The following UBE3A variants were observed in gnomAD, a reference collection of about 807,000 sequenced individuals.
The protein encoded by UBE3A is ubiquitin-protein ligase E3A.
In UBE3A, 6 loss-of-function variants were observed where a neutral mutation model predicts 83.4. The observed-to-expected ratio is 0.07, with a 90% CI of 0.04 to 0.14. The LOEUF is 0.14. Among genes scored for constraint, UBE3A ranks in the 10% least tolerant of loss-of-function variants. The probability of loss-of-function intolerance (pLI) is 1.00; values close to 1 mark genes in which losing one functional copy is unlikely to be tolerated. For missense variants in UBE3A, 456 were observed against 1,036.1 expected (o/e 0.44, Z 7.69); for synonymous variants, 337 against 355.4 (o/e 0.95, Z 0.58).
chr15:25,383,960 G>GA (rs958771198), intron 4 of UBE3A, among the ~76,000 whole-genome samples: 33 of 150,520 alleles, frequency 2.2e-4, no homozygotes, highest in East Asian at 3.9e-4. Context: ...CTACCAAAAA[G>GA]AAAAAAAACC....
rs117830460 is a variant in UBE3A, at chr15:25,399,754, T to A, written c.62+5707A>T. Among the ~76,000 whole-genome samples the A allele has an allele frequency of 7.3e-3, 1,103 of 151,566 alleles. 12 individuals are homozygous for A. Among genetic ancestry groups the A allele is most frequent in the African/African-American group, 0.025 (1,044 of 41,250 alleles). On this transcript the variant is annotated intron_variant, in intron 4 of 12. Transcript: ENST00000648336. ...TGGCTTTAAAAATTTTTTTTTTTTT[T>A]AATTTTAGAGACAGGGTCTCACTAT...
chr15:25,408,203 A>C (rs2089139873), intron 3 of UBE3A: 1 of 192,970 alleles, frequency 5.2e-6, no homozygotes, highest in African/African-American at 2.4e-5. Context: ...TGGGCGATGG[A>C]GTGAGACCTT....
rs528255519 is a variant in UBE3A at position 25,405,044 on chromosome 15, C to T, written c.62+417G>A. 1.1e-4 allele frequency among the ~76,000 whole-genome samples: 16 copies of T among 152,280 alleles called. 1 individual carries two copies. Among genetic ancestry groups the T allele is most frequent in the South Asian group, 8.3e-4 (4 of 4,826 alleles). ...CTACCTCAGTGACTGAAATTATTTG[C>T]TTCTGCATCTTTCACTCTTGAGTAT... On this transcript the variant is annotated intron_variant, in intron 4 of 12. Coordinates refer to ENST00000648336, the MANE Select transcript of UBE3A (RefSeq NM_130839.5).
chr15:25,349,721 A>G (rs1475917533), intron 11 of UBE3A, among the ~76,000 whole-genome samples: 1 of 152,228 alleles, frequency 6.6e-6, no homozygotes, highest in East Asian at 1.9e-4. Context: ...AGCACTTTCC[A>G]GCTTCTCTTT....
Position 25,371,762 on chromosome 15 carries a change from T to C in UBE3A, c.412A>G (p.Arg138Gly), listed in dbSNP as rs587783100. 1.1e-5 allele frequency: 18 copies of C among 1,613,276 alleles called. No homozygotes were observed. Among genetic ancestry groups the C allele is most frequent in the Non-Finnish European group, 1.4e-5 (16 of 1,179,966 alleles). Residue 138 changes from arginine to glycine, a missense_variant, in exon 6 of 13, where the codon AGA becomes GGA. Arg to Gly is a moderately radical substitution (Grantham distance 125). Coordinates refer to ENST00000648336, the MANE Select transcript of UBE3A (RefSeq NM_130839.5). The surrounding 1 kb of genome is among the most constrained non-coding windows in gnomAD (Gnocchi z 5.3). ...AAAGGGGAATAATCCTCTCTTTCTC[T>C]ACATAATTCAAGAATTTCATATACC... ...EKVYEILELCREREDYSPLIR... is the reference protein window; with the variant it reads ...EKVYEILELCGEREDYSPLIR...
intron 11 of UBE3A, among the ~76,000 whole-genome samples, chr15:25,341,119 G>A (rs1028228801): frequency 6.6e-6 from 1 of 151,784 alleles, no homozygotes; most frequent in Non-Finnish European, 1.5e-5. Flanking sequence ...GCTCAGGCTG[G>A]AGTGCAGTGG....
At chr15:25,424,530 G>A (rs1890759331) in intron 1 of UBE3A, among the ~76,000 whole-genome samples, 1 of 152,092 alleles carries the variant, frequency 6.6e-6, no homozygotes, top group Admixed American at 6.5e-5. Flanking sequence ...GACTGAGTGG[G>A]TTTTATACAC....
At chr15:25,355,649 T>G (rs796591967) in intron 9 of UBE3A, among the ~76,000 whole-genome samples, 61 of 152,144 alleles carry the variant, frequency 4.0e-4, no homozygotes, top group African/African-American at 1.3e-3. Context: ...CAACCACACT[T>G]AGCTATTAAC....
chr15:25,416,153 T>A (rs547101261), intron 1 of UBE3A, among the ~76,000 whole-genome samples: 1 of 152,286 alleles, frequency 6.6e-6, no homozygotes, highest in African/African-American at 2.4e-5. Flanking sequence ...CTTAAAAATT[T>A]CACTCTTAAG....
chr15:25,354,470 T>G, intron 10 of UBE3A, 44 bp from the exon 11 acceptor site: 1 of 1,612,828 alleles, frequency 6.2e-7, no homozygotes, highest in Non-Finnish European at 8.5e-7. Context: ...GCTATACTAC[T>G]GTATCATTAC....
chr15:25,390,033 C>G (rs766785845), intron 4 of UBE3A, among the ~76,000 whole-genome samples: 1 of 152,146 alleles, frequency 6.6e-6, no homozygotes, highest in Non-Finnish European at 1.5e-5. Flanking sequence ...GGCAATTCAG[C>G]ATATGAAAAG....
intron 4 of UBE3A, among the ~76,000 whole-genome samples, chr15:25,402,604 T>G (rs553621804): frequency 6.6e-6 from 1 of 152,102 alleles, no homozygotes; most frequent in East Asian, 1.9e-4. Flanking sequence ...TTTGGGGCCA[T>G]GGGGGCCTGC....
chr15:25,425,603 AT>A (rs372364889), intron 1 of UBE3A, among the ~76,000 whole-genome samples: 2 of 151,996 alleles, frequency 1.3e-5, no homozygotes, highest in African/African-American at 4.8e-5. Context: ...CCTTCCAGGC[AT>A]TTTTTTCCCT....
intron 6 of UBE3A, among the ~76,000 whole-genome samples, chr15:25,369,364 A>C (rs1161010608): frequency 6.7e-6 from 1 of 148,266 alleles, no homozygotes; most frequent in African/African-American, 2.5e-5. Flanking sequence ...AAAAAAAAAC[A>C]AACCAGTAAC....
chr15:25,378,503 C>T (rs1353331879), intron 4 of UBE3A, among the ~76,000 whole-genome samples: 1 of 152,160 alleles, frequency 6.6e-6, no homozygotes, highest in Admixed American at 6.5e-5. Context: ...CTGCGGGGCA[C>T]TTTGACATGG....
chr15:25,380,977 G>A (rs574113038), intron 4 of UBE3A, among the ~76,000 whole-genome samples: 1 of 152,314 alleles, frequency 6.6e-6, no homozygotes, highest in Non-Finnish European at 1.5e-5. Flanking sequence ...TATGGAATAA[G>A]TCATACTTGG....
intron 4 of UBE3A, chr15:25,391,890 TAG>T (rs2084481920): frequency 6.6e-6 from 1 of 152,178 alleles, no homozygotes; most frequent in African/African-American, 2.4e-5. Context: ...AACATTACTG[TAG>T]ATAAAAACGG....
At chr15:25,387,509 G>T (rs1017452893) in intron 4 of UBE3A, among the ~76,000 whole-genome samples, 23 of 151,378 alleles carry the variant, frequency 1.5e-4, no homozygotes, top group African/African-American at 5.3e-4. Context: ...GCGACAAAGC[G>T]AGACTCCATC....
chr15:25,370,492 CTT>C lies in UBE3A; in HGVS notation c.1608+72_1608+73del. ...TATATGGTATCATTTTTTTCAGTCA[CTT>C]TTAAAATGAATTCACTGAACTGTAT... On this transcript the variant is annotated intron_variant, in intron 6 of 12. Coordinates refer to ENST00000648336, the MANE Select transcript of UBE3A (RefSeq NM_130839.5). This position sits in a 1 kb window ranked among gnomAD's most constrained non-coding sequence, Gnocchi z 4.2. The C allele has an allele frequency of 1.3e-5, 20 of 1,563,498 alleles. No individual in the cohort carries two copies. The highest frequency in any genetic ancestry group is 1.8e-5 in the Non-Finnish European group (20 of 1,134,412).
Sources: allele counts gnomAD v4.1 joint callset (sites outside exome capture counted in the v4.1 genomes callset), GRCh38; gene constraint gnomAD v4.1.1; non-coding constraint Gnocchi (gnomAD v3.1); transcripts MANE v1.5; gene names NCBI Gene and HGNC (gene_info 2026-07-23, HGNC 2026-07-21).